Variants in POU2AF1 observed in about 807,000 individuals in gnomAD.
The protein encoded by POU2AF1 is POU class 2 homeobox associating factor 1, also known as POU domain class 2-associating factor 1.
In POU2AF1, 12 loss-of-function variants were observed where a neutral mutation model predicts 26.3. The observed-to-expected ratio is 0.46, with a 90% CI of 0.29 to 0.74. POU2AF1 has a LOEUF of 0.74. Among genes scored for constraint, POU2AF1 ranks in the 30% least tolerant of loss-of-function variants. The probability of loss-of-function intolerance (pLI) is 0.09; values close to 1 mark genes in which losing one functional copy is unlikely to be tolerated. For synonymous variants in POU2AF1, 175 were observed against 148.0 expected, an observed-to-expected ratio of 1.18 and a Z score of -1.32; for missense variants, 297 against 334.5, an observed-to-expected ratio of 0.89 and a Z score of 0.87.
chr11:111,374,116 A>ATTTTTTT lies in POU2AF1; in HGVS notation c.16+5039_16+5045dup, dbSNP rs60260380. ...TAATGAACAGCTGTAGGCAAACTTG[A>ATTTTTTT]TTTTTTTTTTTTTTTTTTTTGGTTC... On this transcript the variant is annotated intron_variant, in intron 1 of 4. Coordinates refer to ENST00000393067, the MANE Select transcript of POU2AF1 (RefSeq NM_006235.3). Among the ~76,000 whole-genome samples the ATTTTTTT allele has an allele frequency of 5.0e-4, 55 of 109,634 alleles. 5 individuals are homozygous for ATTTTTTT. The highest frequency in any genetic ancestry group is 9.8e-4 in the African/African-American group (30 of 30,670). 71.9% of individuals were successfully genotyped at this position (109,634 alleles called of 152,430 possible). A position where few individuals can be genotyped will look rare whatever the true frequency, so the allele number is the denominator to read the frequency against.
chr11:111,363,407 A>G, intron 1 of POU2AF1: 1 of 1,016,290 alleles, frequency 9.8e-7, no homozygotes, highest in Non-Finnish European at 1.2e-6. Flanking sequence ...GCAAGTTGAA[A>G]CTTGCAGTTG....
intron 1 of POU2AF1, among the ~76,000 whole-genome samples, chr11:111,367,926 G>T (rs1234396395): frequency 6.6e-6 from 1 of 152,114 alleles, no homozygotes; most frequent in African/African-American, 2.4e-5. Context: ...ACAGAAACTG[G>T]GGTCACCGGA....
At chr11:111,355,803 G>A (rs1439893410) in intron 4 of POU2AF1, among the ~76,000 whole-genome samples, 1 of 152,176 alleles carries the variant, frequency 6.6e-6, no homozygotes, top group Non-Finnish European at 1.5e-5. Context: ...GGGCTGAGGT[G>A]TACACCCCAC....
At chr11:111,370,533 T>C (rs45581336) in intron 1 of POU2AF1, among the ~76,000 whole-genome samples, 7,662 of 152,222 alleles carry the variant, frequency 0.05, 253 homozygotes, top group East Asian at 0.082. Flanking sequence ...AATATAGTTA[T>C]GGTGCCTGCA....
chr11:111,376,660 C>T (rs548904590), intron 1 of POU2AF1, among the ~76,000 whole-genome samples: 1 of 152,242 alleles, frequency 6.6e-6, no homozygotes, highest in Non-Finnish European at 1.5e-5. Flanking sequence ...CTTTCCAGAA[C>T]CCCATAGTAC....
At chr11:111,364,639 G>A (rs1388530059) in intron 1 of POU2AF1, among the ~76,000 whole-genome samples, 1 of 152,244 alleles carries the variant, frequency 6.6e-6, no homozygotes, top group Non-Finnish European at 1.5e-5. Flanking sequence ...GTCCTCTTGT[G>A]ACGTCCCATG....
At chr11:111,375,646 G>A (rs1341857180) in intron 1 of POU2AF1, among the ~76,000 whole-genome samples, 7 of 151,988 alleles carry the variant, frequency 4.6e-5, no homozygotes, top group African/African-American at 9.7e-5. Flanking sequence ...TGATCTGCCC[G>A]CCTTGGCCTC....
At chr11:111,362,205 T>G (rs933607975) in intron 1 of POU2AF1, among the ~76,000 whole-genome samples, 1 of 152,224 alleles carries the variant, frequency 6.6e-6, no homozygotes. Flanking sequence ...GTGTATATAT[T>G]TATGGGGTAC....
chr11:111,364,783 T>G (rs1478598646), intron 1 of POU2AF1, among the ~76,000 whole-genome samples: 1 of 152,224 alleles, frequency 6.6e-6, no homozygotes, highest in African/African-American at 2.4e-5. Flanking sequence ...CACAACTGAC[T>G]GGTTGAACCT....
At chr11:111,362,117 A>G (rs368480763) in intron 1 of POU2AF1, among the ~76,000 whole-genome samples, 11 of 151,954 alleles carry the variant, frequency 7.2e-5, no homozygotes, top group African/African-American at 2.7e-4. Flanking sequence ...GCCCTGCCAC[A>G]CTCAACTCAC....
At chr11:111,363,808 C>T (rs925830281) in intron 1 of POU2AF1, 7 of 984,592 alleles carry the variant, frequency 7.1e-6, no homozygotes, top group African/African-American at 1.7e-5. Flanking sequence ...AAGTAGTTCA[C>T]CCTCAAAGCC....
chr11:111,365,129 C>T (rs925494744), intron 1 of POU2AF1, among the ~76,000 whole-genome samples: 2 of 152,140 alleles, frequency 1.3e-5, no homozygotes, highest in African/African-American at 4.8e-5. Context: ...ACCCAACTGC[C>T]CAAGTTCCAA....
At chr11:111,371,749 C>T (rs887129333) in intron 1 of POU2AF1, among the ~76,000 whole-genome samples, 6 of 151,906 alleles carry the variant, frequency 3.9e-5, no homozygotes, top group Non-Finnish European at 5.9e-5. Context: ...TTACTTAATG[C>T]CAAGCACAGC....
intron 4 of POU2AF1, among the ~76,000 whole-genome samples, chr11:111,356,025 C>T (rs1860838601): frequency 6.6e-6 from 1 of 152,250 alleles, no homozygotes. Flanking sequence ...GGTCTTATCT[C>T]TGCTGATCAG....
At chr11:111,362,626 G>C (rs1490082039) in intron 1 of POU2AF1, among the ~76,000 whole-genome samples, 1 of 152,186 alleles carries the variant, frequency 6.6e-6, no homozygotes, top group Non-Finnish European at 1.5e-5. Context: ...CATCCATGCT[G>C]TTGCACACGT....
chr11:111,358,420 G>T (rs115201409), intron 2 of POU2AF1, among the ~76,000 whole-genome samples: 9,245 of 41,710 alleles, frequency 0.22, 990 homozygotes, highest in Middle Eastern at 0.38. Flanking sequence ...TCACACACAC[G>T]CTCACACTCT....
At chr11:111,361,187 G>A (rs1446020163) in intron 1 of POU2AF1, among the ~76,000 whole-genome samples, 1 of 131,188 alleles carries the variant, frequency 7.6e-6, no homozygotes, top group African/African-American at 2.6e-5. Flanking sequence ...CCGCCCACGT[G>A]GATCTTGCAG....
Position 111,354,381 on chromosome 11 carries a change from A to C in POU2AF1, c.651T>G (p.Leu217=). The stretch of plus-strand genomic sequence containing the variant: ...CTCTTCTGGGGTCTTCCATGTCCTG[A>C]AGGACTGGCTCTGGGATAGAGATGG... ...QLPISIPEPV[L]QDMEDPRRAA... Residue 217 remains leucine (L), a synonymous_variant, in exon 5 of 5, where the codon CTT becomes CTG. Transcript: ENST00000393067. The C allele has an allele frequency of 6.2e-7, 1 of 1,614,122 alleles. No individual in the cohort carries two copies. Among genetic ancestry groups the C allele is most frequent in the South Asian group, 1.1e-5 (1 of 91,072 alleles).
chr11:111,368,647 T>A (rs995590488), intron 1 of POU2AF1, among the ~76,000 whole-genome samples: 1 of 152,212 alleles, frequency 6.6e-6, no homozygotes, highest in African/African-American at 2.4e-5. Context: ...AAGGACCCAG[T>A]GCAACACTAA....
Sources: allele counts gnomAD v4.1 joint callset (sites outside exome capture counted in the v4.1 genomes callset), GRCh38; gene constraint gnomAD v4.1.1; transcripts MANE v1.5; gene names NCBI Gene and HGNC (gene_info 2026-07-23, HGNC 2026-07-21).